Variants in MYO3B observed in about 807,000 individuals in gnomAD.
MYO3B encodes the protein myosin-IIIb.
Under a neutral mutation model 174.6 loss-of-function variants are expected in MYO3B, and 156 were observed. The ratio of observed to expected loss-of-function variants is 0.89; its 90% CI spans 0.78 to 1.02. The LOEUF is 1.02. MYO3B is among the 50% of genes least tolerant of loss of function. The probability of loss-of-function intolerance (pLI) is 0.00; values close to 1 mark genes in which losing one functional copy is unlikely to be tolerated. For missense variants in MYO3B, 1,632 were observed against 1,639.4 expected, an observed-to-expected ratio of 1.00 and a Z score of 0.08; for synonymous variants, 563 against 569.1, an observed-to-expected ratio of 0.99 and a Z score of 0.15.
intron 32 of MYO3B, chr2:170,648,161 G>C (rs1485841460): frequency 2.0e-5 from 3 of 152,194 alleles, no homozygotes; most frequent in Non-Finnish European, 4.4e-5. Flanking sequence ...ACAAGGAGGA[G>C]GTATGTTGGA....
At chr2:170,216,208 T>A (rs2092826561) in intron 5 of MYO3B, among the ~76,000 whole-genome samples, 1 of 152,222 alleles carries the variant, frequency 6.6e-6, no homozygotes, top group Non-Finnish European at 1.5e-5. Flanking sequence ...GAACACATAG[T>A]GTTCAGTTTC....
At chr2:170,463,227 TC>T in intron 23 of MYO3B, 140 bp from the exon 24 acceptor site, 1 of 587,976 alleles carries the variant, frequency 1.7e-6, no homozygotes, top group Non-Finnish European at 3.0e-6. Context: ...TGAAAAATTC[TC>T]CCCACAGTAT....
chr2:170,297,043 TG>T (rs751256706), intron 7 of MYO3B, among the ~76,000 whole-genome samples: 27 of 152,124 alleles, frequency 1.8e-4, no homozygotes, highest in Admixed American at 1.5e-3. Flanking sequence ...GAGATTTGGG[TG>T]GGTACACAGA....
chr2:170,311,027 T>G (rs2093735646), intron 7 of MYO3B, among the ~76,000 whole-genome samples: 1 of 152,200 alleles, frequency 6.6e-6, no homozygotes, highest in African/African-American at 2.4e-5. Flanking sequence ...AATTTTATTT[T>G]TGGTTTACGG....
chr2:170,192,950 T>G (rs986800195), intron 1 of MYO3B, among the ~76,000 whole-genome samples: 1 of 151,904 alleles, frequency 6.6e-6, no homozygotes, highest in Non-Finnish European at 1.5e-5. Context: ...GCTTAATGTA[T>G]TCCTTATTTT....
At chr2:170,634,427 G>T (rs867924405) in intron 32 of MYO3B, among the ~76,000 whole-genome samples, 1,861 of 152,074 alleles carry the variant, frequency 0.012, 25 homozygotes, top group African/African-American at 0.037. Context: ...TGTAGAAAGC[G>T]GAAACTGGAT....
chr2:170,620,323 G>A (rs1559165903), intron 32 of MYO3B, among the ~76,000 whole-genome samples: 1 of 152,192 alleles, frequency 6.6e-6, no homozygotes, highest in Non-Finnish European at 1.5e-5. Flanking sequence ...ATTAATAAGA[G>A]TTTACTGTAC....
chr2:170,634,335 T>G (rs1055299344), intron 32 of MYO3B, among the ~76,000 whole-genome samples: 1 of 152,214 alleles, frequency 6.6e-6, no homozygotes, highest in African/African-American at 2.4e-5. Flanking sequence ...CCATCTGATC[T>G]TTGATAAACC....
At chr2:170,410,621 C>A (rs569195956) in intron 22 of MYO3B, among the ~76,000 whole-genome samples, 1 of 147,690 alleles carries the variant, frequency 6.8e-6, no homozygotes, top group Non-Finnish European at 1.5e-5. Flanking sequence ...ACTTGGGAAA[C>A]CTTAGAGGCA....
intron 32 of MYO3B, among the ~76,000 whole-genome samples, chr2:170,567,278 T>C (rs1405234633): frequency 7.2e-5 from 11 of 152,194 alleles, no homozygotes; most frequent in Non-Finnish European, 2.9e-5. Flanking sequence ...ACCAAAATCA[T>C]GGCTAGATGA....
chr2:170,575,096 C>T (rs1196551409), intron 32 of MYO3B, among the ~76,000 whole-genome samples: 1 of 152,052 alleles, frequency 6.6e-6, no homozygotes, highest in Non-Finnish European at 1.5e-5. Flanking sequence ...TGTGACACTT[C>T]TAATTGAAAA....
At chr2:170,216,537 G>C (rs1266891948) in intron 5 of MYO3B, among the ~76,000 whole-genome samples, 3 of 152,152 alleles carry the variant, frequency 2.0e-5, no homozygotes, top group Non-Finnish European at 2.9e-5. Context: ...GTGATATGAA[G>C]AAGACAGTTG....
intron 23 of MYO3B, among the ~76,000 whole-genome samples, chr2:170,452,384 T>C (rs1367685369): frequency 6.6e-6 from 1 of 152,192 alleles, no homozygotes; most frequent in Non-Finnish European, 1.5e-5. Context: ...TTCTCTCATG[T>C]GGGCATCAAG....
chr2:170,624,212 A>G (rs952672666), intron 32 of MYO3B, among the ~76,000 whole-genome samples: 3 of 152,184 alleles, frequency 2.0e-5, no homozygotes, highest in African/African-American at 7.2e-5. Flanking sequence ...TGAGCATGGA[A>G]TGTTCTTCCA....
chr2:170,383,867 T>C, intron 12 of MYO3B, 53 bp downstream of exon 12: 1 of 1,413,088 alleles, frequency 7.1e-7, no homozygotes, highest in South Asian at 1.2e-5. Flanking sequence ...ACATGTTGTG[T>C]CTTCCTCGTC....
chr2:170,187,981 C>G (rs1160767126), intron 1 of MYO3B, among the ~76,000 whole-genome samples: 2 of 152,100 alleles, frequency 1.3e-5, no homozygotes, highest in Non-Finnish European at 2.9e-5. Flanking sequence ...CTAATAGGTC[C>G]ATTTGGTCTG....
rs1696944361 is a variant in MYO3B, at chr2:170,631,200, C to T, written c.3734-20428C>T. ...CTAGAATAACCAATGCAGAGAAGTC[C>T]TTAAAGGACCTGATGGAGCTGAAAA... On this transcript the variant is annotated intron_variant, in intron 32 of 34. Transcript: ENST00000408978. Among the ~76,000 whole-genome samples, 5 of 152,148 alleles carry T rather than the reference C, an allele frequency of 3.3e-5. No individual in the cohort carries two copies. In the South Asian group the frequency reaches 1.0e-3, roughly 32 times the overall value.
chr2:170,488,071 C>G (rs1386567567), intron 25 of MYO3B, among the ~76,000 whole-genome samples: 1 of 152,180 alleles, frequency 6.6e-6, no homozygotes, highest in African/African-American at 2.4e-5. Flanking sequence ...CATGTTATGC[C>G]TATTTTGGCA....
At chr2:170,437,774 C>T (rs2094765471) in intron 22 of MYO3B, among the ~76,000 whole-genome samples, 1 of 152,148 alleles carries the variant, frequency 6.6e-6, no homozygotes, top group African/African-American at 2.4e-5. Context: ...AGGATCCTTA[C>T]TGCCCAGTCT....
Sources: gnomAD v4.1 joint callset for allele counts (sites outside exome capture counted in the v4.1 genomes callset) on GRCh38, gnomAD v4.1.1 for gene constraint, MANE v1.5 for transcripts, NCBI Gene and HGNC (gene_info 2026-07-23, HGNC 2026-07-21) for gene names.